Variants in AQR observed in about 807,000 individuals in gnomAD.
AQR encodes the protein RNA helicase aquarius.
Under a neutral mutation model 180.5 loss-of-function variants are expected in AQR, and 61 were observed. That is an observed-to-expected ratio of 0.34 (90% CI 0.28 to 0.42). The LOEUF (loss-of-function observed/expected upper bound fraction) is 0.42, where lower values mean the gene tolerates loss of function less well. AQR is among the 10% of genes least tolerant of loss of function. The pLI, the probability that AQR is intolerant of heterozygous loss-of-function variation, is 1.00. For synonymous variants in AQR, 551 were observed against 588.8 expected, an observed-to-expected ratio of 0.94 and a Z score of 0.93; for missense variants, 1,281 against 1,798.3, an observed-to-expected ratio of 0.71 and a Z score of 5.20.
In AQR at chr15:34,969,709, T is replaced by C; in HGVS notation, c.-96A>G. 7 of 1,273,608 alleles carry C rather than the reference T, an allele frequency of 5.5e-6. No individual in the cohort carries two copies. Among genetic ancestry groups the C allele is most frequent in the Non-Finnish European group, 7.5e-6 (7 of 930,860 alleles). 78.9% of individuals were successfully genotyped at this position (1,273,608 alleles called of 1,614,324 possible). A position where few individuals can be genotyped will look rare whatever the true frequency, so the allele number is the denominator to read the frequency against. Reference sequence around the variant, plus strand: ...TCCCTTAAGTTACTGCCGGGGCGCTTAACTCCGCGCCGCACAAACGCTCCG... The same window carrying C: ...TCCCTTAAGTTACTGCCGGGGCGCTCAACTCCGCGCCGCACAAACGCTCCG... On this transcript the variant is annotated 5_prime_UTR_variant, in exon 1 of 35. Transcript: ENST00000156471.
intron 27 of AQR, among the ~76,000 whole-genome samples, chr15:34,877,306 G>T (rs1458394322): frequency 6.6e-6 from 1 of 152,136 alleles, no homozygotes; most frequent in African/African-American, 2.4e-5. Flanking sequence ...ACACATTAGA[G>T]TTCTGTTGCT....
At chr15:34,894,927 G>A (rs1308930238) in intron 22 of AQR, among the ~76,000 whole-genome samples, 1 of 151,570 alleles carries the variant, frequency 6.6e-6, no homozygotes, top group African/African-American at 2.4e-5. Flanking sequence ...CACTTTGGGA[G>A]GCTGAGGCAG....
In AQR at chr15:34,854,842, A is replaced by G. The variant is rs1892565938; in HGVS notation, c.*1950T>C. The G allele has an allele frequency of 6.6e-6, 1 of 152,248 alleles. No homozygotes were observed. Among genetic ancestry groups the G allele is most frequent in the Non-Finnish European group, 1.5e-5 (1 of 68,040 alleles). The allele number at this position is 152,248 out of a possible 1,614,324, so 9.4% of individuals were successfully genotyped here. On this transcript the variant is annotated 3_prime_UTR_variant, in exon 35 of 35. Transcript: ENST00000156471. ...CCAGCTTATTTTGGTTGCAGGTATC[A>G]TACCTCATATCCCCTAAGGGAGAGA...
rs375775611 is a variant in AQR at position 34,886,665 on chromosome 15, G to C, written c.2682-4C>G. The C allele has an allele frequency of 1.3e-6, 2 of 1,596,426 alleles. No individual in the cohort carries two copies. Among genetic ancestry groups the C allele is most frequent in the African/African-American group, 2.7e-5 (2 of 73,574 alleles). ...AACATAATTAACTCTTCCATACCTA[G>C]ACATTTCAATTAGGCAAAATGACAA... On this transcript the variant is annotated splice_region_variant and splice_polypyrimidine_tract_variant and intron_variant, in intron 24 of 34. Coordinates refer to ENST00000156471, the MANE Select transcript of AQR (RefSeq NM_014691.3).
intron 27 of AQR, among the ~76,000 whole-genome samples, chr15:34,879,319 A>G (rs1389566884): frequency 1.3e-5 from 2 of 152,228 alleles, no homozygotes; most frequent in African/African-American, 4.8e-5. Flanking sequence ...TGGAACCAAT[A>G]TAGCCAACTA....
intron 31 of AQR, chr15:34,869,691 T>C (rs1041333734): frequency 6.6e-6 from 1 of 152,206 alleles, no homozygotes; most frequent in Non-Finnish European, 1.5e-5. Context: ...CCTTATGAAG[T>C]ATTCTGTGCA....
In AQR at chr15:34,882,505, G is replaced by A. The variant is rs1595785376; in HGVS notation, c.3162C>T (p.Phe1054=). The change falls in exon 27 of 35, where the codon TTC becomes TTT. Residue 1054 remains phenylalanine, a synonymous_variant. Coordinates refer to ENST00000156471, the MANE Select transcript of AQR (RefSeq NM_014691.3). ...LKRHDLVKLG[F]KYDNILMEEA... is the part of the protein sequence containing the mutation. The stretch of plus-strand genomic sequence containing the variant: ...AAAAACTACCATAAGTCTTTACCTT[G>A]AAACCTAGCTTGACCAAGTCATGTC... 4 of 1,506,088 alleles carry A rather than the reference G, an allele frequency of 2.7e-6. No homozygotes were observed. The highest frequency in any genetic ancestry group is 2.7e-6 in the Non-Finnish European group (3 of 1,121,800). 93.3% of individuals were successfully genotyped at this position (1,506,088 alleles called of 1,614,324 possible).
chr15:34,908,581 T>A (rs766368430), intron 17 of AQR, among the ~76,000 whole-genome samples: 16 of 152,198 alleles, frequency 1.1e-4, no homozygotes, highest in Admixed American at 2.0e-4. Flanking sequence ...TACCCCAGAT[T>A]ATCACTCATC....
chr15:34,909,100 T>G (rs1893460685), intron 17 of AQR, among the ~76,000 whole-genome samples: 1 of 152,232 alleles, frequency 6.6e-6, no homozygotes, highest in South Asian at 2.1e-4. Flanking sequence ...CTAGCTTTGT[T>G]GCTGGATTCC....
Position 34,898,284 on chromosome 15 carries a change from C to G in AQR, c.2244-579G>C, listed in dbSNP as rs1490210942. 1.3e-5 allele frequency among the ~76,000 whole-genome samples: 2 copies of G among 152,110 alleles called. 1 individual carries two copies. Among genetic ancestry groups the G allele is most frequent in the African/African-American group, 4.8e-5 (2 of 41,410 alleles). ...TTAGGAGGTAACTCCCCACAGATAC[C>G]TCAGGGAAGTCAATGAACTCCCTAA... On this transcript the variant is annotated intron_variant, in intron 20 of 34. Coordinates refer to ENST00000156471, the MANE Select transcript of AQR (RefSeq NM_014691.3).
chr15:34,942,011 C>G lies in AQR; in HGVS notation c.540+1G>C. ...ATAAGACTCTGAAATTAGAGACTTA[C>G]CAGCTGTAAGCCCATCCACATTGGG... On this transcript the variant is annotated splice_donor_variant, in intron 7 of 34. Transcript: ENST00000156471. LOFTEE classifies it high-confidence loss of function. The G allele has an allele frequency of 6.2e-7, 1 of 1,607,994 alleles. No homozygotes were observed. The highest frequency in any genetic ancestry group is 8.5e-7 in the Non-Finnish European group (1 of 1,175,844).
In AQR at chr15:34,910,298, G is replaced by T. The variant is rs1330930038; in HGVS notation, c.1500C>A (p.Gly500=). 1 of 1,613,016 alleles carries T rather than the reference G, an allele frequency of 6.2e-7. No individual in the cohort carries two copies. Among genetic ancestry groups the T allele is most frequent in the Non-Finnish European group, 8.5e-7 (1 of 1,179,346 alleles). The change falls in exon 17 of 35, where the codon GGC becomes GGA. Residue 500 remains glycine (G), a synonymous_variant. Transcript: ENST00000156471. ...SRMKPWQSEY[G]GVVFGGWARM... Reference sequence around the variant, plus strand: ...GCGCCCAACCACCAAACACTACACCGCCATATTCAGATTGCCTGAAACCAA... The same window carrying T: ...GCGCCCAACCACCAAACACTACACCTCCATATTCAGATTGCCTGAAACCAA...
Position 34,910,229 on chromosome 15 carries a change from G to A in AQR, c.1569C>T (p.Ala523=), listed in dbSNP as rs767854959. 6.2e-7 allele frequency: 1 copy of A among 1,614,164 alleles called. No homozygotes were observed. Among genetic ancestry groups the A allele is most frequent in the South Asian group, 1.1e-5 (1 of 91,084 alleles). Residue 523 remains alanine, a synonymous_variant, in exon 17 of 35, where the codon GCC becomes GCT. Coordinates refer to ENST00000156471, the MANE Select transcript of AQR (RefSeq NM_014691.3). ...PIVAFTVVEV[A]KPNIGENWPT... is the part of the protein sequence containing the mutation. ...GCCAGTTTTCACCTATGTTGGGTTT[G>A]GCCACTTCAACGACAGTGAAAGCCA...
chr15:34,919,938 G>A (rs1595797440), intron 14 of AQR, among the ~76,000 whole-genome samples: 1 of 151,726 alleles, frequency 6.6e-6, no homozygotes, highest in South Asian at 2.1e-4. Context: ...AACAAAAAAA[G>A]AAGAAGAATT....
chr15:34,884,976 G>A (rs1220220212), intron 25 of AQR, among the ~76,000 whole-genome samples: 1 of 152,164 alleles, frequency 6.6e-6, no homozygotes, highest in East Asian at 1.9e-4. Context: ...AAACTGGAAA[G>A]AGCCTTAACA....
intron 10 of AQR, among the ~76,000 whole-genome samples, 174 bp downstream of exon 10, chr15:34,934,392 AGAAAG>A (rs1312463480): frequency 1.3e-5 from 2 of 148,804 alleles, no homozygotes; most frequent in Non-Finnish European, 1.5e-5. Context: ...AATTAATGAG[AGAAAG>A]GAAATATATA....
At chr15:34,927,977 T>C (rs1438139006) in intron 12 of AQR, among the ~76,000 whole-genome samples, 3 of 152,136 alleles carry the variant, frequency 2.0e-5, no homozygotes, top group Non-Finnish European at 4.4e-5. Flanking sequence ...ACAGGGCAAA[T>C]AGCCAAGTTC....
intron 13 of AQR, among the ~76,000 whole-genome samples, chr15:34,924,383 T>C (rs1258624005): frequency 6.6e-6 from 1 of 152,172 alleles, no homozygotes. Context: ...GGAGAATATG[T>C]TTTTCATTAG....
Position 34,890,814 on chromosome 15 carries a change from A to G in AQR, c.2572-490T>C, listed in dbSNP as rs935201655. The stretch of plus-strand genomic sequence containing the variant: ...GAAAGTCTAATGTTCTCAATATAAT[A>G]AAGAGCAGAGCACTCATTTATTGCA... On this transcript the variant is annotated intron_variant, in intron 23 of 34. Coordinates refer to ENST00000156471, the MANE Select transcript of AQR (RefSeq NM_014691.3). Among the ~76,000 whole-genome samples, 6 of 152,338 alleles carry G rather than the reference A, an allele frequency of 3.9e-5. No homozygotes were observed. The South Asian group carries it at 1.2e-3, about 32-fold the overall frequency.
Sources: gnomAD v4.1 joint callset for allele counts (sites outside exome capture counted in the v4.1 genomes callset) on GRCh38, gnomAD v4.1.1 for gene constraint, MANE v1.5 for transcripts, NCBI Gene and HGNC (gene_info 2026-07-23, HGNC 2026-07-21) for gene names.